Variants in ARID1B observed in about 807,000 individuals in gnomAD.
ARID1B encodes AT-rich interaction domain 1B, also known as AT-rich interactive domain-containing protein 1B.
Under a neutral mutation model 212.3 loss-of-function variants are expected in ARID1B, and 30 were observed. The observed-to-expected ratio is 0.14, with a 90% confidence interval of 0.11 to 0.19. The LOEUF (loss-of-function observed/expected upper bound fraction) is 0.19, where lower values mean the gene tolerates loss of function less well. ARID1B is among the 10% of genes least tolerant of loss of function. ARID1B has a pLI of 1.00. For missense variants in ARID1B, 2,891 were observed against 3,204.0 expected (o/e 0.90, Z 2.36); for synonymous variants, 1,402 against 1,301.7 (o/e 1.08, Z -1.66).
chr6:156,994,915 TG>T (rs1778499140), intron 4 of ARID1B, among the ~76,000 whole-genome samples: 1 of 152,224 alleles, frequency 6.6e-6, no homozygotes, highest in South Asian at 2.1e-4. Context: ...ACATGACGGT[TG>T]GGTTATTCTT....
rs1023444663 is a variant in ARID1B, at chr6:157,037,394, T to A, written c.2248-47268T>A. On this transcript the variant is annotated intron_variant, in intron 4 of 19. Transcript: ENST00000636930. The stretch of plus-strand genomic sequence containing the variant: ...TAAATCATCCCACAGGGTAGCTGTA[T>A]CCATGCAAGAAACATGCCAGAGGCT... 4.6e-5 allele frequency among the ~76,000 whole-genome samples: 7 copies of A among 152,210 alleles called. No individual in the cohort carries two copies. In the East Asian group the frequency reaches 1.4e-3, roughly 29 times the overall value.
intron 4 of ARID1B, among the ~76,000 whole-genome samples, chr6:157,039,036 C>T (rs1478667035): frequency 2.6e-5 from 4 of 152,032 alleles, no homozygotes; most frequent in African/African-American, 9.7e-5. Context: ...TGCCACCATG[C>T]CTGGCTAATT....
At chr6:157,132,325 A>AG (rs1250702082) in intron 6 of ARID1B, among the ~76,000 whole-genome samples, 1 of 152,242 alleles carries the variant, frequency 6.6e-6, no homozygotes, top group African/African-American at 2.4e-5. Flanking sequence ...GAGGAGTGGC[A>AG]GTACCAGTTA....
At chr6:157,189,207 CAAT>C (rs1216008254) in intron 13 of ARID1B, among the ~76,000 whole-genome samples, 1 of 152,174 alleles carries the variant, frequency 6.6e-6, no homozygotes, top group East Asian at 1.9e-4. Flanking sequence ...TAAAACAGCA[CAAT>C]AATTCATCGA....
At chr6:157,069,969 T>C (rs1287466836) in intron 4 of ARID1B, among the ~76,000 whole-genome samples, 2 of 152,182 alleles carry the variant, frequency 1.3e-5, no homozygotes, top group African/African-American at 4.8e-5. Flanking sequence ...TTTTTCCTGA[T>C]AGAGGATAGC....
chr6:157,205,996 G>A (rs576726774), intron 19 of ARID1B, 171 bp from the exon 20 acceptor site: 5 of 725,872 alleles, frequency 6.9e-6, no homozygotes, highest in African/African-American at 5.3e-5. Context: ...CAGGAAGTTC[G>A]CTGGACCTGA....
chr6:157,043,562 T>C (rs779273668), intron 4 of ARID1B, among the ~76,000 whole-genome samples: 8 of 152,236 alleles, frequency 5.3e-5, no homozygotes, highest in Admixed American at 2.0e-4. Flanking sequence ...ATATCCATAT[T>C]GACTTTCACA....
chr6:156,844,750 G>A (rs1784115955), intron 2 of ARID1B, among the ~76,000 whole-genome samples: 1 of 152,028 alleles, frequency 6.6e-6, no homozygotes, highest in Non-Finnish European at 1.5e-5. Flanking sequence ...ATAACTTTTG[G>A]TTAAATCAAC....
chr6:156,809,713 GAAA>G (rs370188789), intron 1 of ARID1B, among the ~76,000 whole-genome samples: 9 of 104,448 alleles, frequency 8.6e-5, no homozygotes, highest in Admixed American at 1.1e-4. Context: ...CTTTTTCAAA[GAAA>G]AAAAAAAAAA....
chr6:156,830,213 A>G (rs1459969552), intron 2 of ARID1B, among the ~76,000 whole-genome samples: 3 of 152,200 alleles, frequency 2.0e-5, no homozygotes, highest in African/African-American at 4.8e-5. Flanking sequence ...TTTAGTTACT[A>G]GGAGCACCAG....
At chr6:157,161,177 TG>T (rs1305414177) in intron 8 of ARID1B, among the ~76,000 whole-genome samples, 1 of 152,186 alleles carries the variant, frequency 6.6e-6, no homozygotes, top group Non-Finnish European at 1.5e-5. Context: ...TAGTAGCATA[TG>T]GTTATATACT....
chr6:156,841,290 C>T (rs1182741652), intron 2 of ARID1B, among the ~76,000 whole-genome samples: 10 of 150,980 alleles, frequency 6.6e-5, no homozygotes, highest in African/African-American at 2.2e-4. Context: ...TACACTGCAT[C>T]GTAGCCCATT....
intron 5 of ARID1B, among the ~76,000 whole-genome samples, chr6:157,096,222 G>A (rs140179351): frequency 1.4e-3 from 212 of 152,308 alleles, no homozygotes; most frequent in Non-Finnish European, 2.6e-3. Flanking sequence ...AGCCCCTGGC[G>A]GGCTGAGAGC....
At chr6:156,960,822 G>A (rs574740592) in intron 4 of ARID1B, among the ~76,000 whole-genome samples, 93 of 152,080 alleles carry the variant, frequency 6.1e-4, no homozygotes, top group African/African-American at 2.2e-3. Context: ...TTTTTTTAAG[G>A]CATGAAGTTA....
rs561828587 is a variant in ARID1B, at chr6:157,124,289, G to A, written c.2582-8739G>A. Among the ~76,000 whole-genome samples, 57 of 152,334 alleles carry A rather than the reference G, an allele frequency of 3.7e-4. 1 individual carries two copies. The Middle Eastern group carries it at 0.024, about 64-fold the overall frequency. On this transcript the variant is annotated intron_variant, in intron 6 of 19. Coordinates refer to ENST00000636930, the MANE Select transcript of ARID1B (RefSeq NM_001374828.1). The stretch of plus-strand genomic sequence containing the variant: ...CACATGTTTTTGGTTCTAACTCTAT[G>A]CCAGATACCTTGCTTGGGCAGATGA...
chr6:157,203,971 C>G lies in ARID1B; in HGVS notation c.5369C>G (p.Thr1790Ser). The G allele has an allele frequency of 6.2e-7, 1 of 1,614,138 alleles. No individual in the cohort carries two copies. The highest frequency in any genetic ancestry group is 1.6e-4 in the Middle Eastern group (1 of 6,062). ...TINILLYDDS[T>S]VATFNLSQLS... ...AATATTCTTCTGTATGATGACAGCA[C>G]TGTTGCTACTTTCAATCTCTCCCAG... Residue 1790 changes from threonine (T) to serine (S), a missense_variant, in exon 19 of 20, where the codon ACT (threonine) becomes AGT (serine). Around this residue, in one of 7 missense-constraint regions of ARID1B, gnomAD observed 332 missense variants for 369.2 expected, o/e 0.90. Transcript: ENST00000636930. This position sits in a 1 kb window ranked among gnomAD's most constrained non-coding sequence, Gnocchi z 4.4.
intron 6 of ARID1B, among the ~76,000 whole-genome samples, chr6:157,122,253 T>TA (rs1787775579): frequency 6.6e-6 from 1 of 152,160 alleles, no homozygotes; most frequent in Non-Finnish European, 1.5e-5. Context: ...TTCCTAGACT[T>TA]ACGCGAACAC....
chr6:156,982,661 C>G (rs1312161351), intron 4 of ARID1B, among the ~76,000 whole-genome samples: 1 of 151,920 alleles, frequency 6.6e-6, no homozygotes, highest in East Asian at 1.9e-4. Flanking sequence ...ACTCTATCTG[C>G]CAATCTGACT....
chr6:157,097,460 C>T (rs147575362), intron 5 of ARID1B, among the ~76,000 whole-genome samples: 12 of 152,272 alleles, frequency 7.9e-5, no homozygotes, highest in Admixed American at 2.6e-4. Flanking sequence ...CACGGTCCCT[C>T]GTACCTACAG....
Sources: allele counts gnomAD v4.1 joint callset (sites outside exome capture counted in the v4.1 genomes callset), GRCh38; gene constraint gnomAD v4.1.1; regional missense constraint gnomAD v4.1.1; non-coding constraint Gnocchi (gnomAD v3.1); transcripts MANE v1.5; gene names NCBI Gene and HGNC (gene_info 2026-07-23, HGNC 2026-07-21).